The following CEP78 variants were observed in gnomAD, a reference collection of about 807,000 sequenced individuals.
CEP78 encodes centrosomal protein of 78 kDa.
In CEP78, 76 loss-of-function variants were observed where a neutral mutation model predicts 81.2. The ratio of observed to expected loss-of-function variants is 0.94; its 90% CI spans 0.78 to 1.13. The LOEUF (loss-of-function observed/expected upper bound fraction) is 1.13. Among genes scored for constraint, CEP78 ranks in the 50% most tolerant of loss-of-function variants. CEP78 has a pLI of 0.00. For synonymous variants in CEP78, 293 were observed against 301.4 expected (o/e 0.97, Z 0.29); for missense variants, 918 against 846.8 (o/e 1.08, Z -1.04).
chr9:78,248,957 A>T (rs1826630917), intron 8 of CEP78, 84 bp downstream of exon 8: 2 of 604,200 alleles, frequency 3.3e-6, no homozygotes, highest in Non-Finnish European at 5.7e-6. Flanking sequence ...TATGATATTG[A>T]CAGTAACAAC....
Position 78,248,249 on chromosome 9 carries a change from T to G in CEP78, c.893-42T>G, listed in dbSNP as rs747497524. ...TTTTTAAATGGGAATAGCCACTCAT[T>G]GGGAAATAATTACTATAATTTCAAT... On this transcript the variant is annotated intron_variant, in intron 6 of 16. Coordinates refer to ENST00000643273, the MANE Select transcript of CEP78 (RefSeq NM_001330691.3). The G allele has an allele frequency of 5.3e-5, 57 of 1,080,444 alleles. No individual in the cohort carries two copies. The South Asian group carries it at 7.7e-4, about 15-fold the overall frequency. 66.9% of individuals were successfully genotyped at this position (1,080,444 alleles called of 1,614,324 possible).
In CEP78 at chr9:78,240,377, C is replaced by G. The variant is rs1285774770; in HGVS notation, c.499+13C>G. On this transcript the variant is annotated intron_variant, in intron 3 of 16. Coordinates refer to ENST00000643273, the MANE Select transcript of CEP78 (RefSeq NM_001330691.3). ...GGAGGTTTAGAAAGTGAGTTTAAAT[C>G]TCATTTAACTCTTGTCCTATCAGGC... 1 of 1,548,796 alleles carries G rather than the reference C, an allele frequency of 6.5e-7. No individual in the cohort carries two copies. The highest frequency in any genetic ancestry group is 1.4e-5 in the African/African-American group (1 of 73,804).
Position 78,251,920 on chromosome 9 carries a change from A to T in CEP78, c.1082A>T (p.Lys361Met), listed in dbSNP as rs1359953135. 2 of 1,606,642 alleles carry T rather than the reference A, an allele frequency of 1.2e-6. No homozygotes were observed. Among genetic ancestry groups the T allele is most frequent in the African/African-American group, 2.7e-5 (2 of 74,988 alleles). ...KATIRIGLAT[K>M]KPVSSGRKHS... ...ACTTCTCAAGTAGGATTGGCTACAA[A>T]GAAACCTGTAAGTAGTGGCAGAAAA... The change falls in exon 9 of 17, where the codon AAG (lysine) becomes ATG (methionine). Residue 361 changes from lysine to methionine, a missense_variant. By Grantham distance (95) the Lys-to-Met change is moderately conservative. Transcript: ENST00000643273.
intron 9 of CEP78, among the ~76,000 whole-genome samples, chr9:78,252,712 A>G (rs562714922): frequency 1.3e-5 from 2 of 152,374 alleles, no homozygotes; most frequent in African/African-American, 4.8e-5. Context: ...AGGACTGGAA[A>G]TAGGTGCTAT....
chr9:78,279,324 T>A lies in CEP78; in HGVS notation c.*8473T>A, dbSNP rs1385294492. On this transcript the variant is annotated 3_prime_UTR_variant, in exon 17 of 17. Coordinates refer to ENST00000643273, the MANE Select transcript of CEP78 (RefSeq NM_001330691.3). ...AAATTTGAGTAGAGTTTGAAAACAC[T>A]AAAATCAGTTTGCCAAATAACCAGC... The A allele has an allele frequency of 6.6e-6, 1 of 152,176 alleles. No homozygotes were observed. Among genetic ancestry groups the A allele is most frequent in the Admixed American group, 6.5e-5 (1 of 15,278 alleles). 9.4% of individuals were successfully genotyped at this position (152,176 alleles called of 1,614,324 possible).
chr9:78,251,305 C>T (rs150300170), intron 8 of CEP78, among the ~76,000 whole-genome samples: 1 of 152,332 alleles, frequency 6.6e-6, no homozygotes, highest in Non-Finnish European at 1.5e-5. Flanking sequence ...GGCTCACCTA[C>T]TACCCAGCTA....
At chr9:78,244,385 C>T (rs1044264879) in intron 5 of CEP78, among the ~76,000 whole-genome samples, 1 of 152,132 alleles carries the variant, frequency 6.6e-6, no homozygotes, top group Admixed American at 6.6e-5. Context: ...GCCTTGGCCT[C>T]CCAAAGTGCT....
intron 4 of CEP78, among the ~76,000 whole-genome samples, chr9:78,242,360 G>A (rs1167784487): frequency 6.6e-6 from 1 of 152,172 alleles, no homozygotes; most frequent in Non-Finnish European, 1.5e-5. Context: ...TACAGCGTAA[G>A]CCCACTCTCC....
Position 78,236,491 on chromosome 9 carries a change from C to T in CEP78, c.141C>T (p.Ala47=). 1.9e-6 allele frequency: 3 copies of T among 1,606,434 alleles called. No individual in the cohort carries two copies. Among genetic ancestry groups the T allele is most frequent in the Non-Finnish European group, 2.5e-6 (3 of 1,176,598 alleles). ...CLREGVLDFN[A]DRLRGVDWAP... is the part of the protein sequence containing the mutation. The stretch of plus-strand genomic sequence containing the variant: ...GGGAGGGCGTGCTGGATTTCAACGC[C>T]GACCGCCTCCGCGGGGTGGACTGGG... The change falls in exon 1 of 17, where the codon GCC becomes GCT. Residue 47 remains alanine, a synonymous_variant. Coordinates refer to ENST00000643273, the MANE Select transcript of CEP78 (RefSeq NM_001330691.3).
At chr9:78,250,798 A>G (rs1587576119) in intron 8 of CEP78, among the ~76,000 whole-genome samples, 1 of 152,212 alleles carries the variant, frequency 6.6e-6, no homozygotes, top group South Asian at 2.1e-4. Context: ...AACAATACAC[A>G]GTAACTTTTT....
rs1392667408 is a variant in CEP78 at position 78,272,958 on chromosome 9, C to T, written c.*2107C>T. ...GCCAAAGAAAGTCACATGGTTATGC[C>T]TGAGTTCAGCAGACCAGGGAAGTGC... On this transcript the variant is annotated 3_prime_UTR_variant, in exon 17 of 17. Transcript: ENST00000643273. 6.6e-6 allele frequency: 1 copy of T among 152,146 alleles called. No homozygotes were observed. The highest frequency in any genetic ancestry group is 1.9e-4 in the East Asian group (1 of 5,198). The allele number at this position is 152,146 out of a possible 1,614,324, so 9.4% of individuals were successfully genotyped here.
chr9:78,255,013 A>G (rs775631619), intron 11 of CEP78, 49 bp downstream of exon 11: 1 of 1,540,460 alleles, frequency 6.5e-7, no homozygotes. Flanking sequence ...TTCAAACTCT[A>G]GTTAGTTTTT....
At chr9:78,265,963 G>A in intron 15 of CEP78, 57 bp downstream of exon 15, 2 of 820,748 alleles carry the variant, frequency 2.4e-6, no homozygotes, top group Non-Finnish European at 2.1e-6. Flanking sequence ...ATAACAGGCA[G>A]TATATTATAG....
chr9:78,266,823 GA>G lies in CEP78; in HGVS notation c.2107+122del. On this transcript the variant is annotated intron_variant, in intron 16 of 16. Coordinates refer to ENST00000643273, the MANE Select transcript of CEP78 (RefSeq NM_001330691.3). ...TAGGGAAACTAGTTCTTTGGTTAAT[GA>G]ACCAATTAAAAGTAGGTCTTTGAAA... 6.1e-6 allele frequency: 9 copies of G among 1,479,896 alleles called. No homozygotes were observed. The South Asian group carries it at 1.0e-4, about 17-fold the overall frequency. The allele number at this position is 1,479,896 out of a possible 1,614,324, so 91.7% of individuals were successfully genotyped here.
intron 4 of CEP78, among the ~76,000 whole-genome samples, chr9:78,242,752 C>T (rs112437757): frequency 2.0e-3 from 304 of 152,012 alleles, no homozygotes; most frequent in African/African-American, 6.6e-3. Context: ...TTTCCTGTTA[C>T]CGAAATTTAC....
chr9:78,236,410 G>GTACC lies in CEP78; in HGVS notation c.62_65dup (p.Cys23ProfsTer45). 6.3e-7 allele frequency: 1 copy of GTACC among 1,598,484 alleles called. No individual in the cohort carries two copies. The highest frequency in any genetic ancestry group is 8.5e-7 in the Non-Finnish European group (1 of 1,173,168). ...CGGCGGACTTCTTCTCCCACTACGA[G>GTACC]TACCTGTGCGCGCTGCAGAACTCGG... is the stretch of plus-strand genomic sequence containing the variant. On this transcript the variant is annotated frameshift_variant, in exon 1 of 17. Transcript: ENST00000643273. LOFTEE classifies it high-confidence loss of function.
Position 78,264,307 on chromosome 9 carries a change from A to G in CEP78, c.1616A>G (p.Lys539Arg), listed in dbSNP as rs776103162. 3.7e-6 allele frequency: 6 copies of G among 1,613,022 alleles called. No individual in the cohort carries two copies. The African/African-American group carries it at 8.0e-5, about 22-fold the overall frequency. ...TTTCATGCTTTCTTGGATCTCCTTA[A>G]AGATGCTGGGTTAGTTACTTTCTCC... ...QKFHAFLDLL[K>R]DAGLGQLATM... The change falls in exon 13 of 17, where the codon AAA (lysine) becomes AGA (arginine). Residue 539 changes from lysine (K) to arginine (R), a missense_variant. Lys to Arg is a conservative substitution (Grantham distance 26). Coordinates refer to ENST00000643273, the MANE Select transcript of CEP78 (RefSeq NM_001330691.3).
intron 11 of CEP78, among the ~76,000 whole-genome samples, chr9:78,257,023 C>G (rs1827065506): frequency 6.6e-6 from 1 of 150,980 alleles, no homozygotes; most frequent in African/African-American, 2.4e-5. Context: ...AAATCATATG[C>G]TAGTGAGGTT....
At chr9:78,241,305 G>C (rs1249660120) in intron 3 of CEP78, among the ~76,000 whole-genome samples, 1 of 152,160 alleles carries the variant, frequency 6.6e-6, no homozygotes, top group Non-Finnish European at 1.5e-5. Flanking sequence ...AAAATTCTGG[G>C]TTTATAGTTG....
Sources: allele counts gnomAD v4.1 joint callset (sites outside exome capture counted in the v4.1 genomes callset), GRCh38; gene constraint gnomAD v4.1.1; transcripts MANE v1.5; gene names NCBI Gene and HGNC (gene_info 2026-07-23, HGNC 2026-07-21).